EGLN1: variants seen among roughly 807,000 people sequenced by gnomAD.
The protein encoded by EGLN1 is egl nine homolog 1.
EGLN1 carries 17 observed loss-of-function variants against 38.3 expected under a neutral mutation model. The observed-to-expected ratio is 0.44, with a 90% CI of 0.30 to 0.67. EGLN1 has a LOEUF of 0.67. Ranked by LOEUF, EGLN1 falls within the 30% of genes least tolerant of loss-of-function variation. EGLN1 has a pLI of 0.08. For missense variants in EGLN1, 477 were observed against 603.3 expected, an observed-to-expected ratio of 0.79 and a Z score of 2.19; for synonymous variants, 283 against 257.5, an observed-to-expected ratio of 1.10 and a Z score of -0.95.
At chr1:231,405,521 C>T (rs1003668997) in intron 1 of EGLN1, among the ~76,000 whole-genome samples, 3 of 152,152 alleles carry the variant, frequency 2.0e-5, no homozygotes, top group Non-Finnish European at 4.4e-5. Context: ...TAATCATCTA[C>T]TCAACAACTC....
chr1:231,421,572 T>C lies in EGLN1; in HGVS notation c.317A>G (p.Asp106Gly). 1 of 1,308,642 alleles carries C rather than the reference T, an allele frequency of 7.6e-7. No individual in the cohort carries two copies. Among genetic ancestry groups the C allele is most frequent in the Non-Finnish European group, 9.7e-7 (1 of 1,036,186 alleles). 81.1% of individuals were successfully genotyped at this position (1,308,642 alleles called of 1,614,324 possible). A position where few individuals can be genotyped will look rare whatever the true frequency, so the allele number is the denominator to read the frequency against. The change falls in exon 1 of 5, where the codon GAC becomes GGC. Residue 106 changes from aspartate to glycine, a missense_variant. Asp to Gly is a moderately conservative substitution (Grantham distance 94). Coordinates refer to ENST00000366641, the MANE Select transcript of EGLN1 (RefSeq NM_022051.3). This position sits in a 1 kb window ranked among gnomAD's most constrained non-coding sequence, Gnocchi z 5.5. ...AAARRDNASG[D>G]AAKGKVKAKP... ...GGCCTTTACTTTTCCCTTGGCCGCG[T>C]CCCCGGAGGCGTTGTCCCGGCGCGC...
chr1:231,366,961 G>A (rs1265369441), intron 4 of EGLN1, among the ~76,000 whole-genome samples: 2 of 152,230 alleles, frequency 1.3e-5, no homozygotes. Context: ...TGGTCCATCA[G>A]ATGGGAAACA....
intron 1 of EGLN1, among the ~76,000 whole-genome samples, chr1:231,413,631 C>A (rs1212250329): frequency 6.6e-6 from 1 of 152,126 alleles, no homozygotes; most frequent in East Asian, 1.9e-4. Context: ...CCCCACACTT[C>A]CTCCAACTAG....
intron 1 of EGLN1, among the ~76,000 whole-genome samples, chr1:231,383,700 A>C (rs575519050): frequency 2.6e-5 from 4 of 152,206 alleles, no homozygotes; most frequent in South Asian, 2.1e-4. Flanking sequence ...GGGCAGCTCA[A>C]AAAGGCTCTC....
chr1:231,385,662 G>A (rs1397792794), intron 1 of EGLN1, among the ~76,000 whole-genome samples: 2 of 152,154 alleles, frequency 1.3e-5, no homozygotes, highest in East Asian at 3.9e-4. Context: ...GTAACAGGGA[G>A]CCACTGAAGA....
intron 1 of EGLN1, among the ~76,000 whole-genome samples, chr1:231,409,011 A>G (rs1175430897): frequency 6.8e-6 from 1 of 147,500 alleles, no homozygotes; most frequent in African/African-American, 2.6e-5. Flanking sequence ...GAAAGATACA[A>G]AAAGAAAAAA....
intron 1 of EGLN1, among the ~76,000 whole-genome samples, chr1:231,402,687 G>A (rs553415007): frequency 4.5e-4 from 68 of 151,964 alleles, no homozygotes; most frequent in African/African-American, 5.8e-4. Flanking sequence ...TGCCGGCCTC[G>A]GCCTCCCAAA....
At position 231,421,171 on chromosome 1, in the gene EGLN1, G is replaced by A. The variant is rs369251331; in HGVS notation, c.718C>T (p.Leu240=). 1.9e-6 allele frequency: 3 copies of A among 1,613,994 alleles called. No homozygotes were observed. Among genetic ancestry groups the A allele is most frequent in the African/African-American group, 2.7e-5 (2 of 74,904 alleles). Residue 240 remains leucine (L), a synonymous_variant, in exon 1 of 5, where the codon CTG becomes TTG. Coordinates refer to ENST00000366641, the MANE Select transcript of EGLN1 (RefSeq NM_022051.3). The surrounding 1 kb of genome is among the most constrained non-coding windows in gnomAD (Gnocchi z 5.5). ...GACGAGTCACTCTTCTGGCTGACCA[G>A]CTGCCCGTCCGTGAACTTCCCGGTG... The part of the protein sequence containing the change: ...HDTGKFTDGQ[L]VSQKSDSSKD...
At chr1:231,419,418 T>C (rs1269034653) in intron 1 of EGLN1, among the ~76,000 whole-genome samples, 2 of 152,210 alleles carry the variant, frequency 1.3e-5, no homozygotes, top group Non-Finnish European at 2.9e-5. Flanking sequence ...ATTTGGGACA[T>C]CATCTTCTTC....
At chr1:231,380,526 C>T (rs1688059283) in intron 1 of EGLN1, among the ~76,000 whole-genome samples, 3 of 151,804 alleles carry the variant, frequency 2.0e-5, no homozygotes, top group South Asian at 2.1e-4. Flanking sequence ...TAGAAAAATG[C>T]TATTATAATA....
chr1:231,420,270 C>G (rs941187620), intron 1 of EGLN1: 9 of 152,212 alleles, frequency 5.9e-5, no homozygotes, highest in Admixed American at 5.9e-4. Flanking sequence ...CAGTTTTCAA[C>G]AGAAGGATTA....
intron 1 of EGLN1, among the ~76,000 whole-genome samples, chr1:231,389,413 A>T (rs115587124): frequency 0.54 from 81,068 of 149,560 alleles, 23,295 homozygotes; most frequent in Non-Finnish European, 0.65. Flanking sequence ...AATGAAAAAA[A>T]ATTTTTTTTT....
At chr1:231,405,128 T>A (rs867119357) in intron 1 of EGLN1, among the ~76,000 whole-genome samples, 12 of 152,276 alleles carry the variant, frequency 7.9e-5, no homozygotes, top group Admixed American at 4.6e-4. Flanking sequence ...CAAGTCCTAA[T>A]CTGAAAAGGC....
At chr1:231,407,733 GT>G (rs1688833335) in intron 1 of EGLN1, among the ~76,000 whole-genome samples, 1 of 152,030 alleles carries the variant, frequency 6.6e-6, no homozygotes. Context: ...CCTAAGCAAC[GT>G]CATAAAACTT....
At chr1:231,396,221 G>A (rs983859914) in intron 1 of EGLN1, among the ~76,000 whole-genome samples, 3 of 149,994 alleles carry the variant, frequency 2.0e-5, no homozygotes, top group Non-Finnish European at 3.0e-5. Flanking sequence ...ACTGACCCAG[G>A]CAGTTTTTGT....
intron 1 of EGLN1, among the ~76,000 whole-genome samples, chr1:231,411,098 G>T (rs986608116): frequency 6.6e-6 from 1 of 152,122 alleles, no homozygotes; most frequent in African/African-American, 2.4e-5. Flanking sequence ...AATATGGTTT[G>T]GCTCTGTCTC....
chr1:231,364,341 T>G lies in EGLN1; in HGVS notation c.*2070A>C, dbSNP rs1199727252. The G allele has an allele frequency of 6.6e-6, 1 of 152,150 alleles. No homozygotes were observed. Among genetic ancestry groups the G allele is most frequent in the Non-Finnish European group, 1.5e-5 (1 of 68,044 alleles). The allele number at this position is 152,150 out of a possible 1,614,324, so 9.4% of individuals were successfully genotyped here. ...TTTCTACTAACCCTAAAAAAGATAA[T>G]GCTTTTGAGTTGTGGCCTAACGCCG... On this transcript the variant is annotated 3_prime_UTR_variant, in exon 5 of 5. Coordinates refer to ENST00000366641, the MANE Select transcript of EGLN1 (RefSeq NM_022051.3).
chr1:231,414,185 A>T (rs1281801690), intron 1 of EGLN1, among the ~76,000 whole-genome samples: 1 of 152,224 alleles, frequency 6.6e-6, no homozygotes, highest in Non-Finnish European at 1.5e-5. Flanking sequence ...TGTGGAAACG[A>T]GGGCACAGTG....
chr1:231,394,437 GGC>G (rs1688467411), intron 1 of EGLN1, among the ~76,000 whole-genome samples: 1 of 149,360 alleles, frequency 6.7e-6, no homozygotes, highest in Non-Finnish European at 1.5e-5. Context: ...GGAGTGCAGT[GGC>G]GCAATCTCGG....
Sources: allele counts gnomAD v4.1 joint callset (sites outside exome capture counted in the v4.1 genomes callset), GRCh38; gene constraint gnomAD v4.1.1; non-coding constraint Gnocchi (gnomAD v3.1); transcripts MANE v1.5; gene names NCBI Gene and HGNC (gene_info 2026-07-23, HGNC 2026-07-21).